Variants in CASP6 observed in about 807,000 individuals in gnomAD.
CASP6 encodes the protein caspase-6.
Under a neutral mutation model 31.8 loss-of-function variants are expected in CASP6, and 20 were observed. The ratio of observed to expected loss-of-function variants is 0.63; its 90% CI spans 0.44 to 0.91. The LOEUF (loss-of-function observed/expected upper bound fraction) is 0.91. Ranked by LOEUF, CASP6 falls within the 40% of genes least tolerant of loss-of-function variation. The probability of loss-of-function intolerance (pLI) is 0.00; values close to 1 mark genes in which losing one functional copy is unlikely to be tolerated. For missense variants in CASP6, 328 were observed against 361.1 expected (o/e 0.91, Z 0.74); for synonymous variants, 130 against 127.8 (o/e 1.02, Z -0.12).
downstream of CASP6, chr4:109,684,628 CT>C: frequency 6.6e-7 from 1 of 1,509,580 alleles, no homozygotes. Context: ...TTTTTGCATA[CT>C]TTATAGTCAC....
At chr4:109,706,158 T>TATAC (rs1452907161), upstream of CASP6, among the ~76,000 whole-genome samples, 1 of 92,620 alleles carries the variant, frequency 1.1e-5, no homozygotes, top group African/African-American at 6.4e-5. Context: ...TATATATATA[T>TATAC]ATATATATAT....
At chr4:109,672,089 T>A in the CASP6 span, among the ~76,000 whole-genome samples, 1 of 151,902 alleles carries the variant, frequency 6.6e-6, no homozygotes, top group African/African-American at 2.4e-5. Flanking sequence ...TATATATATA[T>A]TTTTAATTGG....
At chr4:109,690,236 T>TAAAA (rs751729227) in intron 6 of CASP6, among the ~76,000 whole-genome samples, 4 of 46,394 alleles carry the variant, frequency 8.6e-5, no homozygotes, top group African/African-American at 4.1e-4. Flanking sequence ...AGTGAGACTA[T>TAAAA]AAAAAAAAAA....
downstream of CASP6, among the ~76,000 whole-genome samples, chr4:109,686,021 T>C (rs1278064742): frequency 6.6e-6 from 1 of 152,242 alleles, no homozygotes; most frequent in East Asian, 1.9e-4. Flanking sequence ...CATTGCTCAA[T>C]GCATGCTTGT....
chr4:109,675,017 CTT>C, the CASP6 span, among the ~76,000 whole-genome samples: 6 of 152,092 alleles, frequency 3.9e-5, no homozygotes, highest in Non-Finnish European at 8.8e-5. Flanking sequence ...GTGAAATTCT[CTT>C]GTCTCATCTG....
the CASP6 span, among the ~76,000 whole-genome samples, chr4:109,674,865 T>G: frequency 6.6e-6 from 1 of 152,284 alleles, no homozygotes; most frequent in Non-Finnish European, 1.5e-5. Context: ...ATGTGTGTGT[T>G]GCTTATTTTT....
At chr4:109,707,609 C>T (rs1730645744), upstream of CASP6, among the ~76,000 whole-genome samples, 1 of 152,068 alleles carries the variant, frequency 6.6e-6, no homozygotes, top group African/African-American at 2.4e-5. Flanking sequence ...TGGTATCAAA[C>T]TCCCGACCTG....
intron 4 of CASP6, among the ~76,000 whole-genome samples, chr4:109,694,951 G>C (rs972698105): frequency 6.6e-6 from 1 of 152,152 alleles, no homozygotes; most frequent in Non-Finnish European, 1.5e-5. Context: ...TCCTGCCTCA[G>C]CCTCCCAAGT....
downstream of CASP6, chr4:109,688,410 A>G (rs564743687): frequency 1.3e-5 from 2 of 152,350 alleles, no homozygotes; most frequent in East Asian, 1.9e-4. Context: ...CAGGTGTTCA[A>G]CCTATAGTGG....
upstream of CASP6, chr4:109,703,532 C>G: frequency 9.0e-7 from 1 of 1,112,470 alleles, no homozygotes; most frequent in Non-Finnish European, 1.3e-6. Flanking sequence ...GTTCTGATTG[C>G]GCGCCGCCCG....
the CASP6 span, among the ~76,000 whole-genome samples, chr4:109,666,005 CAAAGAGAAGA>C: frequency 6.6e-6 from 1 of 151,428 alleles, no homozygotes; most frequent in Non-Finnish European, 1.5e-5. Context: ...GAAGAGAGAG[CAAAGAGAAGA>C]AAAGGGAGTG....
chr4:109,703,504 C>A, upstream of CASP6: 1 of 1,403,696 alleles, frequency 7.1e-7, no homozygotes, highest in Non-Finnish European at 9.7e-7. Flanking sequence ...CCCCTGCCCC[C>A]GAGCGTGGGG....
At chr4:109,686,754 T>C (rs1470168882), downstream of CASP6, among the ~76,000 whole-genome samples, 1 of 152,166 alleles carries the variant, frequency 6.6e-6, no homozygotes, top group East Asian at 1.9e-4. Flanking sequence ...CACATGCTTG[T>C]AGCCCTAGCT....
upstream of CASP6, chr4:109,703,633 A>T: frequency 1.7e-6 from 1 of 572,476 alleles, no homozygotes; most frequent in Non-Finnish European, 3.0e-6. Flanking sequence ...GGGGGCAGGG[A>T]GAGGTACGCG....
the CASP6 span, among the ~76,000 whole-genome samples, chr4:109,675,329 C>T: frequency 1.3e-5 from 2 of 152,196 alleles, no homozygotes; most frequent in Admixed American, 6.5e-5. Flanking sequence ...TCCTCGGAAC[C>T]CTCTTCTCAA....
the CASP6 span, among the ~76,000 whole-genome samples, chr4:109,673,642 A>T: frequency 1.8e-4 from 28 of 152,382 alleles, no homozygotes; most frequent in Admixed American, 7.8e-4. Context: ...TGGAGTTTTC[A>T]AAAAAGTTAT....
upstream of CASP6, among the ~76,000 whole-genome samples, chr4:109,704,405 C>T (rs1218921897): frequency 6.6e-6 from 1 of 152,186 alleles, no homozygotes; most frequent in Non-Finnish European, 1.5e-5. Flanking sequence ...AGCTAAACAG[C>T]CTTATTGCTG....
downstream of CASP6, among the ~76,000 whole-genome samples, chr4:109,687,323 C>T (rs1273492481): frequency 2.0e-5 from 3 of 152,104 alleles, no homozygotes; most frequent in Admixed American, 6.6e-5. Context: ...GGTAGCACTG[C>T]ACTCCTGCCT....
the CASP6 span, among the ~76,000 whole-genome samples, chr4:109,669,358 A>G: frequency 6.6e-6 from 1 of 152,058 alleles, no homozygotes; most frequent in Non-Finnish European, 1.5e-5. Context: ...TCTTGCTTGT[A>G]TGATTTCAGA....
Sources: gnomAD v4.1 joint callset for allele counts (sites outside exome capture counted in the v4.1 genomes callset) on GRCh38, gnomAD v4.1.1 for gene constraint, MANE v1.5 for transcripts, NCBI Gene and HGNC (gene_info 2026-07-23, HGNC 2026-07-21) for gene names.